The following GLO1 variants were observed in gnomAD, a reference collection of about 807,000 sequenced individuals.
GLO1 encodes the protein glyoxalase I.
In GLO1, 28 loss-of-function variants were observed where a neutral mutation model predicts 26.0. The observed-to-expected ratio is 1.08, with a 90% CI of 0.80 to 1.48. The LOEUF (loss-of-function observed/expected upper bound fraction) is 1.48. Among genes scored for constraint, GLO1 ranks in the 40% most tolerant of loss-of-function variants. GLO1 has a pLI of 0.00. For missense variants in GLO1, 225 were observed against 224.8 expected, an observed-to-expected ratio of 1.00 and a Z score of -0.01; for synonymous variants, 78 against 77.6, an observed-to-expected ratio of 1.00 and a Z score of -0.03.
At chr6:38,701,662 T>G (rs551985747) in intron 1 of GLO1, among the ~76,000 whole-genome samples, 1 of 152,294 alleles carries the variant, frequency 6.6e-6, no homozygotes, top group Admixed American at 6.5e-5. Context: ...CCCTTAATTT[T>G]GCAATGACTA....
intron 1 of GLO1, among the ~76,000 whole-genome samples, chr6:38,695,148 C>T (rs1485317553): frequency 6.6e-6 from 1 of 151,940 alleles, no homozygotes; most frequent in Non-Finnish European, 1.5e-5. Flanking sequence ...TCTGTTTGTT[C>T]TTCCTTTTTT....
chr6:38,687,022 T>C (rs1213948953), intron 1 of GLO1, 48 bp from the exon 2 acceptor site: 2 of 1,542,750 alleles, frequency 1.3e-6, no homozygotes, highest in South Asian at 2.3e-5. Flanking sequence ...TACCATTTAT[T>C]ACCAACATTA....
chr6:38,689,213 A>ATC (rs1761499159), intron 1 of GLO1, among the ~76,000 whole-genome samples: 1 of 152,238 alleles, frequency 6.6e-6, no homozygotes, highest in Non-Finnish European at 1.5e-5. Flanking sequence ...GCCTCTGAGT[A>ATC]AGGAACACAG....
At chr6:38,688,524 T>C (rs1037377826) in intron 1 of GLO1, among the ~76,000 whole-genome samples, 3 of 152,244 alleles carry the variant, frequency 2.0e-5, no homozygotes, top group Non-Finnish European at 4.4e-5. Context: ...ACAAACATCC[T>C]TCTTTCCCAG....
At chr6:38,694,062 A>G (rs1411821825) in intron 1 of GLO1, among the ~76,000 whole-genome samples, 2 of 152,150 alleles carry the variant, frequency 1.3e-5, no homozygotes, top group African/African-American at 4.8e-5. Flanking sequence ...TAATCCATGG[A>G]TTATTTATTT....
At chr6:38,692,315 A>AT (rs1761543232) in intron 1 of GLO1, among the ~76,000 whole-genome samples, 1 of 152,082 alleles carries the variant, frequency 6.6e-6, no homozygotes. Flanking sequence ...ATGGTAATGT[A>AT]TTTTTTAATT....
intron 1 of GLO1, among the ~76,000 whole-genome samples, chr6:38,689,706 G>GCCA (rs1761505554): frequency 6.6e-6 from 1 of 152,126 alleles, no homozygotes; most frequent in Non-Finnish European, 1.5e-5. Context: ...CAGCACTTTG[G>GCCA]GGGGCTGAGA....
chr6:38,692,493 T>C (rs1465457611), intron 1 of GLO1, among the ~76,000 whole-genome samples: 4 of 152,160 alleles, frequency 2.6e-5, no homozygotes, highest in South Asian at 2.1e-4. Context: ...ATAAGGACAG[T>C]TTGATTTCTT....
At chr6:38,690,999 A>G (rs1697283591) in intron 1 of GLO1, among the ~76,000 whole-genome samples, 1 of 152,178 alleles carries the variant, frequency 6.6e-6, no homozygotes, top group Non-Finnish European at 1.5e-5. Flanking sequence ...CTTTATTGGT[A>G]TGGTTCTAAA....
chr6:38,687,752 C>T (rs1274053346), intron 1 of GLO1, among the ~76,000 whole-genome samples: 1 of 152,132 alleles, frequency 6.6e-6, no homozygotes, highest in African/African-American at 2.4e-5. Flanking sequence ...GTATTACTGT[C>T]GATATTCATA....
Position 38,683,625 on chromosome 6 carries a change from C to T in GLO1, c.308+749G>A, listed in dbSNP as rs796512851. Among the ~76,000 whole-genome samples, 7 of 151,784 alleles carry T rather than the reference C, an allele frequency of 4.6e-5. No individual in the cohort carries two copies. The South Asian group carries it at 6.3e-4, about 14-fold the overall frequency. ...AATGGAGGCCGGGCGTGGTGGGTCACGCCTGTAATCCCAGCACTTTGGGCG... is the reference window on the plus strand; with the variant it reads ...AATGGAGGCCGGGCGTGGTGGGTCATGCCTGTAATCCCAGCACTTTGGGCG... On this transcript the variant is annotated intron_variant, in intron 3 of 5. Transcript: ENST00000373365.
intron 1 of GLO1, among the ~76,000 whole-genome samples, chr6:38,692,513 C>G (rs193270091): frequency 6.6e-6 from 1 of 152,198 alleles, no homozygotes; most frequent in Non-Finnish European, 1.5e-5. Context: ...TCCTTTCCAA[C>G]CTATATGTCT....
chr6:38,680,799 C>T (rs149534401), intron 5 of GLO1, among the ~76,000 whole-genome samples: 119 of 152,130 alleles, frequency 7.8e-4, no homozygotes, highest in African/African-American at 2.8e-3. Context: ...GAGGCTGAGG[C>T]AGAGGATTGT....
chr6:38,689,249 C>T (rs9394523), intron 1 of GLO1, among the ~76,000 whole-genome samples: 29,293 of 152,190 alleles, frequency 0.19, 3,657 homozygotes, highest in African/African-American at 0.34. Flanking sequence ...GGGACAGACC[C>T]AAGTCGGACC....
intron 3 of GLO1, among the ~76,000 whole-genome samples, chr6:38,683,437 G>A (rs1268926302): frequency 6.6e-6 from 1 of 152,094 alleles, no homozygotes; most frequent in East Asian, 1.9e-4. Context: ...AATTTTTAAA[G>A]GAACACATGA....
chr6:38,694,966 T>G (rs535110237), intron 1 of GLO1, among the ~76,000 whole-genome samples: 1 of 152,324 alleles, frequency 6.6e-6, no homozygotes, highest in Admixed American at 6.5e-5. Context: ...TTTTCTACCC[T>G]TTTACTTTTA....
Position 38,682,821 on chromosome 6 carries a change from G to T in GLO1, c.363C>A (p.Asp121Glu), listed in dbSNP as rs143083347. The stretch of plus-strand genomic sequence containing the variant: ...AGGCAAACTTACCGAATCCTCGAGG[G>T]TCTGAATTGCCATTGTGGTAACTCT... Reference protein sequence around the residue: ...ETQSYHNGNSDPRGFGHIGIA... With the variant: ...ETQSYHNGNSEPRGFGHIGIA... Residue 121 changes from aspartate to glutamate, a missense_variant, in exon 4 of 6, where the codon GAC becomes GAA. Physicochemically the swap from Asp to Glu is conservative, Grantham distance 45. Coordinates refer to ENST00000373365, the MANE Select transcript of GLO1 (RefSeq NM_006708.3). 5 of 1,595,836 alleles carry T rather than the reference G, an allele frequency of 3.1e-6. No individual in the cohort carries two copies. Among genetic ancestry groups the T allele is most frequent in the African/African-American group, 2.7e-5 (2 of 74,512 alleles).
intron 1 of GLO1, among the ~76,000 whole-genome samples, chr6:38,687,552 T>C (rs1157511445): frequency 6.6e-6 from 1 of 152,220 alleles, no homozygotes; most frequent in African/African-American, 2.4e-5. Flanking sequence ...CACAAGATCC[T>C]AGACTCCTAA....
chr6:38,682,727 A>C, intron 4 of GLO1, 81 bp downstream of exon 4: 2 of 714,612 alleles, frequency 2.8e-6, no homozygotes, highest in Non-Finnish European at 5.0e-6. Flanking sequence ...TTAATGTTTT[A>C]GGTTTATTAA....
Sources: allele counts gnomAD v4.1 joint callset (sites outside exome capture counted in the v4.1 genomes callset), GRCh38; gene constraint gnomAD v4.1.1; transcripts MANE v1.5; gene names NCBI Gene and HGNC (gene_info 2026-07-23, HGNC 2026-07-21).